Variants in MYBPC3 observed in about 807,000 individuals in gnomAD.
MYBPC3 encodes myosin binding protein C3.
In MYBPC3, 108 loss-of-function variants were observed where a neutral mutation model predicts 159.3. The observed-to-expected ratio is 0.68, with a 90% CI of 0.58 to 0.80. MYBPC3 has a LOEUF of 0.80. Among genes scored for constraint, MYBPC3 ranks in the 30% least tolerant of loss-of-function variants. The pLI, the probability that MYBPC3 is intolerant of heterozygous loss-of-function variation, is 0.00. For synonymous variants in MYBPC3, 730 were observed against 702.0 expected (o/e 1.04, Z -0.63); for missense variants, 1,631 against 1,762.1 (o/e 0.93, Z 1.33).
Position 47,346,546 on chromosome 11 carries a change from G to C in MYBPC3, c.926+81C>G. On this transcript the variant is annotated intron_variant, in intron 11 of 34. Coordinates refer to ENST00000545968, the MANE Select transcript of MYBPC3 (RefSeq NM_000256.3). This position sits in a 1 kb window ranked among gnomAD's most constrained non-coding sequence, Gnocchi z 5.3. ...CCAGGCAGGACTGGGGGCCAAGGGA[G>C]CTGAAGAGGGGCTGGGGATCTGGAG... 6.6e-7 allele frequency: 1 copy of C among 1,505,280 alleles called. No individual in the cohort carries two copies. Among genetic ancestry groups the C allele is most frequent in the Non-Finnish European group, 9.0e-7 (1 of 1,116,618 alleles). The allele number at this position is 1,505,280 out of a possible 1,614,324, so 93.2% of individuals were successfully genotyped here. A position where few individuals can be genotyped will look rare whatever the true frequency, so the allele number is the denominator to read the frequency against.
chr11:47,338,718 C>G lies in MYBPC3; in HGVS notation c.2149-39G>C. The G allele has an allele frequency of 6.4e-7, 1 of 1,563,620 alleles. No individual in the cohort carries two copies. The highest frequency in any genetic ancestry group is 8.7e-7 in the Non-Finnish European group (1 of 1,153,878). Reference sequence around the variant, plus strand: ...GAGTTGGGGTGAGATCCAAGTCAGACCCCAGAGGCCCTTGCAGCCTCCGCC... The same window carrying G: ...GAGTTGGGGTGAGATCCAAGTCAGAGCCCAGAGGCCCTTGCAGCCTCCGCC... On this transcript the variant is annotated intron_variant, in intron 22 of 34. Transcript: ENST00000545968. This position sits in a 1 kb window ranked among gnomAD's most constrained non-coding sequence, Gnocchi z 4.7.
chr11:47,346,798 G>A lies in MYBPC3; in HGVS notation c.909-154C>T, dbSNP rs2095894777. 6.6e-6 allele frequency among the ~76,000 whole-genome samples: 1 copy of A among 152,056 alleles called. No individual in the cohort carries two copies. The highest frequency in any genetic ancestry group is 2.1e-4 in the South Asian group (1 of 4,816). ...TGTTGTGGGGCACCCATGCTGCTCC[G>A]GAGGCTCTGGCAGGACCTCCTGTGT... On this transcript the variant is annotated intron_variant, in intron 10 of 34. Transcript: ENST00000545968. This position sits in a 1 kb window ranked among gnomAD's most constrained non-coding sequence, Gnocchi z 5.3.
At chr11:47,348,927 T>TATATATATATATATATATATATATATA (rs1555123220) in intron 5 of MYBPC3, among the ~76,000 whole-genome samples, 223 of 126,084 alleles carry the variant, frequency 1.8e-3, no homozygotes, top group Middle Eastern at 4.0e-3. Flanking sequence ...TATATATATA[T>TATATATATATATATATATATATATATA]TTAAAGGAGG....
intron 2 of MYBPC3, 44 bp from the exon 3 acceptor site, chr11:47,350,659 A>G: frequency 7.0e-7 from 1 of 1,429,542 alleles, no homozygotes; most frequent in Non-Finnish European, 9.1e-7. Flanking sequence ...CACTAACCAG[A>G]GACCCCTCCA....
chr11:47,339,028 G>A (rs2095885551), intron 22 of MYBPC3, among the ~76,000 whole-genome samples: 1 of 152,270 alleles, frequency 6.6e-6, no homozygotes, highest in Non-Finnish European at 1.5e-5. Context: ...CCTGAGTTGA[G>A]AGGGAGCACA....
rs730880674 is a variant in MYBPC3 at position 47,332,894 on chromosome 11, AAGT to A, written c.3407_3409del (p.Tyr1136del). On this transcript the variant is annotated inframe_deletion, in exon 31 of 35. Transcript: ENST00000545968. This position sits in a 1 kb window ranked among gnomAD's most constrained non-coding sequence, Gnocchi z 4.2. ...AACCATATTCTGGCTGAAGACGCGG[AAGT>A]AGTAGCCATTGCCAATGATGAGCTC... 4.4e-6 allele frequency: 7 copies of A among 1,608,628 alleles called. No individual in the cohort carries two copies. Among genetic ancestry groups the A allele is most frequent in the Non-Finnish European group, 5.1e-6 (6 of 1,177,902 alleles).
rs1185871136 is a variant in MYBPC3 at position 47,342,833 on chromosome 11, T to C, written c.1454A>G (p.Lys485Arg). Residue 485 changes from lysine (K) to arginine (R), a missense_variant, in exon 16 of 35, where the codon AAA becomes AGA. Lys to Arg is a conservative substitution (Grantham distance 26). Transcript: ENST00000545968. ...CEVSEEGAQV[K>R]WLKDGVELTR... Reference sequence around the variant, plus strand: ...GCCCCGTGCTTCTGGAACTCACCATTTGACTTGCGCCCCCTCCTCCGATAC... The same window carrying C: ...GCCCCGTGCTTCTGGAACTCACCATCTGACTTGCGCCCCCTCCTCCGATAC... 6 of 1,612,412 alleles carry C rather than the reference T, an allele frequency of 3.7e-6. No homozygotes were observed. In the African/African-American group the frequency reaches 8.0e-5, roughly 22 times the overall value.
In MYBPC3 at chr11:47,337,901, C is replaced by A. The variant is rs1324813333; in HGVS notation, c.2309-107G>T. 3.6e-6 allele frequency: 3 copies of A among 830,832 alleles called. No individual in the cohort carries two copies. In the East Asian group the frequency reaches 8.1e-5, roughly 22 times the overall value. The allele number at this position is 830,832 out of a possible 1,614,324, so 51.5% of individuals were successfully genotyped here. A position where few individuals can be genotyped will look rare whatever the true frequency, so the allele number is the denominator to read the frequency against. Reference sequence around the variant, plus strand: ...ACTAACCGCCACAGGCTGCCCCCACCACCCCCAGATCCAAAGAGATCTTTC... The same window carrying A: ...ACTAACCGCCACAGGCTGCCCCCACAACCCCCAGATCCAAAGAGATCTTTC... On this transcript the variant is annotated intron_variant, in intron 23 of 34. Transcript: ENST00000545968.
chr11:47,342,955 A>C lies in MYBPC3; in HGVS notation c.1352-20T>G. On this transcript the variant is annotated intron_variant, in intron 15 of 34. Coordinates refer to ENST00000545968, the MANE Select transcript of MYBPC3 (RefSeq NM_000256.3). ...GGGGCTCTGTCCAGGCAGGGTGAGCATGAGGGTTGGCTCCCCTGAGGCCAT... is the reference window on the plus strand; with the variant it reads ...GGGGCTCTGTCCAGGCAGGGTGAGCCTGAGGGTTGGCTCCCCTGAGGCCAT... 1.2e-6 allele frequency: 2 copies of C among 1,611,580 alleles called. No homozygotes were observed. The highest frequency in any genetic ancestry group is 1.7e-6 in the Non-Finnish European group (2 of 1,178,978).
At chr11:47,345,658 G>T (rs2095893381) in intron 12 of MYBPC3, among the ~76,000 whole-genome samples, 1 of 152,124 alleles carries the variant, frequency 6.6e-6, no homozygotes, top group Non-Finnish European at 1.5e-5. Context: ...CTATTCCTGG[G>T]CTCTCCTCTT....
intron 27 of MYBPC3, 99 bp from the exon 28 acceptor site, chr11:47,334,109 C>CTTTTTTCT: frequency 2.4e-6 from 3 of 1,250,968 alleles, no homozygotes; most frequent in Non-Finnish European, 3.3e-6. Flanking sequence ...AGAGCTGCAG[C>CTTTTTTCT]TAAGAAAAAA....
At position 47,338,022 on chromosome 11, in the gene MYBPC3, A is replaced by G. The variant is rs1165896296; in HGVS notation, c.2309-228T>C. Among the ~76,000 whole-genome samples, 2 of 136,688 alleles carry G rather than the reference A, an allele frequency of 1.5e-5. No homozygotes were observed. The highest frequency in any genetic ancestry group is 4.3e-4 in the East Asian group (2 of 4,698). The allele number at this position is 136,688 out of a possible 152,430, so 89.7% of individuals were successfully genotyped here. On this transcript the variant is annotated intron_variant, in intron 23 of 34. Coordinates refer to ENST00000545968, the MANE Select transcript of MYBPC3 (RefSeq NM_000256.3). This position sits in a 1 kb window ranked among gnomAD's most constrained non-coding sequence, Gnocchi z 4.7. ...TCCAGGCTGGGTCTCAACAGGATGC[A>G]TTTCTGATCATGTCGCCAGCCCTCC...
Position 47,337,458 on chromosome 11 carries a change from G to C in MYBPC3, c.2535C>G (p.Arg845=), listed in dbSNP as rs1288578869. ...TGCCGATGGCGTTGACCGCGTAGAC[G>C]CGCATCTCGTACACCACGCCCTCGA... is the stretch of plus-strand genomic sequence containing the variant. The part of the protein sequence containing the change: ...RMIEGVVYEM[R]VYAVNAIGMS... The change falls in exon 25 of 35, where the codon CGC becomes CGG. Residue 845 remains arginine (R), a synonymous_variant. Coordinates refer to ENST00000545968, the MANE Select transcript of MYBPC3 (RefSeq NM_000256.3). 1.2e-6 allele frequency: 2 copies of C among 1,613,578 alleles called. No homozygotes were observed. Among genetic ancestry groups the C allele is most frequent in the Middle Eastern group, 1.6e-4 (1 of 6,062 alleles).
At position 47,342,072 on chromosome 11, in the gene MYBPC3, T is replaced by G; in HGVS notation, c.1709A>C (p.Asp570Ala). Residue 570 changes from aspartate (D) to alanine (A), a missense_variant, in exon 18 of 35, where the codon GAT becomes GCT. By Grantham distance (126) the Asp-to-Ala change is moderately radical (BLOSUM62 -2). Transcript: ENST00000545968. ...CAGCCACACACCCCGAACATTCTCATCTGAGACCTCACATTTGAACACCGC... is the reference window on the plus strand; with the variant it reads ...CAGCCACACACCCCGAACATTCTCAGCTGAGACCTCACATTTGAACACCGC... ...DQAVFKCEVS[D>A]ENVRGVWLKN... The G allele has an allele frequency of 1.2e-6, 2 of 1,613,706 alleles. No individual in the cohort carries two copies. The highest frequency in any genetic ancestry group is 1.7e-6 in the Non-Finnish European group (2 of 1,179,782).
In MYBPC3 at chr11:47,332,912, A is replaced by G. The variant is rs370890951; in HGVS notation, c.3392T>C (p.Ile1131Thr). 1,399 of 1,610,014 alleles carry G rather than the reference A, an allele frequency of 8.7e-4. 1 individual carries two copies. The highest frequency in any genetic ancestry group is 9.8e-4 in the Non-Finnish European group (1,150 of 1,178,422). Residue 1131 changes from isoleucine (I) to threonine (T), a missense_variant, in exon 31 of 35, where the codon ATT becomes ACT. Ile to Thr is a moderately conservative substitution (Grantham distance 89). Transcript: ENST00000545968. The surrounding 1 kb of genome is among the most constrained non-coding windows in gnomAD (Gnocchi z 4.2). ...GACGCGGAAGTAGTAGCCATTGCCA[A>G]TGATGAGCTCTGGCACCACGCAGTG... is the stretch of plus-strand genomic sequence containing the variant. Reference protein sequence around the residue: ...RTHCVVPELIIGNGYYFRVFS... With the variant: ...RTHCVVPELITGNGYYFRVFS...
In MYBPC3 at chr11:47,333,237, T is replaced by G; in HGVS notation, c.3287A>C (p.Glu1096Ala). 6.3e-7 allele frequency: 1 copy of G among 1,590,276 alleles called. No homozygotes were observed. Among genetic ancestry groups the G allele is most frequent in the South Asian group, 1.1e-5 (1 of 87,286 alleles). Residue 1096 changes from glutamate to alanine, a missense_variant, in exon 30 of 35, where the codon GAG (glutamate) becomes GCG (alanine). Transcript: ENST00000545968. ...TTTCTGCACTGTGTACCCCCAGAGC[T>G]CCGTGTTGCCGACATCCTGGGGTGG... ...WKPPQDVGNT[E>A]LWGYTVQKAD...
intron 9 of MYBPC3, 131 bp downstream of exon 9, chr11:47,347,295 C>G (rs1430067346): frequency 1.3e-6 from 2 of 1,526,348 alleles, no homozygotes; most frequent in Non-Finnish European, 1.8e-6. Flanking sequence ...GGATCATCCC[C>G]TCGACAGACA....
At chr11:47,352,594 C>T (rs777539711) in intron 1 of MYBPC3, 29 bp downstream of exon 1, 1 of 1,603,488 alleles carries the variant, frequency 6.2e-7, no homozygotes, top group Admixed American at 1.7e-5. Context: ...TGCTCCCACA[C>T]TTAGACCCAA....
chr11:47,338,398 G>T lies in MYBPC3; in HGVS notation c.2308+122C>A. Reference sequence around the variant, plus strand: ...CCTTTTGGGCAGAAAAACCTGTCCTGTTGCCGCTCGGCTCAGGGAGCATGC... The same window carrying T: ...CCTTTTGGGCAGAAAAACCTGTCCTTTTGCCGCTCGGCTCAGGGAGCATGC... On this transcript the variant is annotated intron_variant, in intron 23 of 34. Coordinates refer to ENST00000545968, the MANE Select transcript of MYBPC3 (RefSeq NM_000256.3). The surrounding 1 kb of genome is among the most constrained non-coding windows in gnomAD (Gnocchi z 4.7). 1 of 1,413,514 alleles carries T rather than the reference G, an allele frequency of 7.1e-7. No individual in the cohort carries two copies. The highest frequency in any genetic ancestry group is 9.6e-7 in the Non-Finnish European group (1 of 1,043,538). The allele number at this position is 1,413,514 out of a possible 1,614,324, so 87.6% of individuals were successfully genotyped here.
Sources: gnomAD v4.1 joint callset for allele counts (sites outside exome capture counted in the v4.1 genomes callset) on GRCh38, gnomAD v4.1.1 for gene constraint, Gnocchi (gnomAD v3.1) non-coding constraint, MANE v1.5 for transcripts, NCBI Gene and HGNC (gene_info 2026-07-23, HGNC 2026-07-21) for gene names.